The following HIVEP3 variants were observed in gnomAD, a reference collection of about 807,000 sequenced individuals.
The protein encoded by HIVEP3 is HIVEP zinc finger 3, also known as transcription factor HIVEP3.
HIVEP3 carries 49 observed loss-of-function variants against 152.8 expected under a neutral mutation model. The ratio of observed to expected loss-of-function variants is 0.32; its 90% confidence interval spans 0.26 to 0.41. The LOEUF (loss-of-function observed/expected upper bound fraction) is 0.41. Among genes scored for constraint, HIVEP3 ranks in the 10% least tolerant of loss-of-function variants. The pLI is 1.00. For synonymous variants in HIVEP3, 1,269 were observed against 1,289.0 expected (o/e 0.98, Z 0.33); for missense variants, 2,790 against 3,103.3 (o/e 0.90, Z 2.40).
At chr1:41,787,248 T>A (rs2124292303) in intron 1 of HIVEP3, among the ~76,000 whole-genome samples, 1 of 152,324 alleles carries the variant, frequency 6.6e-6, no homozygotes, top group East Asian at 1.9e-4. Context: ...TCTGACAGGA[T>A]GCAAAGGTGA....
At chr1:41,585,514 C>T (rs909514223) in intron 3 of HIVEP3, among the ~76,000 whole-genome samples, 196 bp from the exon 4 acceptor site, 8 of 152,152 alleles carry the variant, frequency 5.3e-5, no homozygotes, top group African/African-American at 1.7e-4. Flanking sequence ...ATTCTTTCCT[C>T]CCCCGCTCCC....
At chr1:41,512,520 T>C (rs929714918) in intron 8 of HIVEP3, among the ~76,000 whole-genome samples, 1 of 152,222 alleles carries the variant, frequency 6.6e-6, no homozygotes, top group Admixed American at 6.5e-5. Context: ...GTCTCAGGAA[T>C]TTGTTTATAG....
intron 2 of HIVEP3, among the ~76,000 whole-genome samples, chr1:41,638,991 G>C (rs896085069): frequency 2.0e-5 from 3 of 152,204 alleles, no homozygotes; most frequent in Admixed American, 1.3e-4. Context: ...GGAGAAGAAG[G>C]CTGGCCCTGA....
At chr1:42,010,524 T>A (rs1645487099) in intron 1 of HIVEP3, among the ~76,000 whole-genome samples, 1 of 152,186 alleles carries the variant, frequency 6.6e-6, no homozygotes, top group Admixed American at 6.6e-5. Flanking sequence ...AGCAAGCAAG[T>A]ACATCTGGAA....
At chr1:42,034,944 T>C (rs916526920) in intron 1 of HIVEP3, among the ~76,000 whole-genome samples, 1 of 152,110 alleles carries the variant, frequency 6.6e-6, no homozygotes, top group African/African-American at 2.4e-5. Context: ...AGACATGGAA[T>C]CGCTCTCTCA....
Position 41,582,299 on chromosome 1 carries a change from A to AGGT in HIVEP3, c.2496_2498dup (p.Pro833dup). ...AGTGAGCAGAGCGTCCGTGTGGGGC[A>AGGT]GGTGGGGGTGATGGGAACTGGGCCA... is the stretch of plus-strand genomic sequence containing the variant. On this transcript the variant is annotated inframe_insertion, in exon 4 of 9. Transcript: ENST00000372583. The surrounding 1 kb of genome is among the most constrained non-coding windows in gnomAD (Gnocchi z 4.7). 6.2e-7 allele frequency: 1 copy of AGGT among 1,614,102 alleles called. No individual in the cohort carries two copies. The highest frequency in any genetic ancestry group is 8.5e-7 in the Non-Finnish European group (1 of 1,179,998).
intron 1 of HIVEP3, among the ~76,000 whole-genome samples, chr1:41,914,681 C>T (rs1329380596): frequency 6.6e-6 from 1 of 152,162 alleles, no homozygotes; most frequent in Admixed American, 6.5e-5. Flanking sequence ...GATGTCTGAA[C>T]TGAAAAAACA....
chr1:41,788,485 C>CAGGAG, intron 1 of HIVEP3, among the ~76,000 whole-genome samples: 1 of 152,328 alleles, frequency 6.6e-6, no homozygotes, highest in South Asian at 2.1e-4. Flanking sequence ...GAGGCCTGAG[C>CAGGAG]AGGAGAGAGA....
chr1:41,861,658 T>C (rs1643889005), intron 1 of HIVEP3, among the ~76,000 whole-genome samples: 1 of 152,034 alleles, frequency 6.6e-6, no homozygotes, highest in Admixed American at 6.5e-5. Context: ...GGGAGGAGGA[T>C]TTGTGCAAGG....
At chr1:41,693,205 G>T (rs746221800) in intron 2 of HIVEP3, among the ~76,000 whole-genome samples, 4 of 152,172 alleles carry the variant, frequency 2.6e-5, no homozygotes, top group Non-Finnish European at 4.4e-5. Context: ...TAGGATACTT[G>T]TTTAGAAGTG....
At chr1:41,874,644 G>T in intron 1 of HIVEP3, among the ~76,000 whole-genome samples, 1 of 152,186 alleles carries the variant, frequency 6.6e-6, no homozygotes, top group East Asian at 1.9e-4. Flanking sequence ...GATTCTAGAA[G>T]ATAAAGAGAG....
intron 1 of HIVEP3, among the ~76,000 whole-genome samples, chr1:41,900,660 C>T (rs971999661): frequency 8.6e-5 from 13 of 152,010 alleles, no homozygotes; most frequent in African/African-American, 3.1e-4. Context: ...GTATCTTTCA[C>T]CCCACATCCC....
chr1:41,953,057 C>G (rs555425875), intron 1 of HIVEP3, among the ~76,000 whole-genome samples: 1 of 152,194 alleles, frequency 6.6e-6, no homozygotes, highest in Non-Finnish European at 1.5e-5. Flanking sequence ...CGTGACACTG[C>G]TCCTGGTTAT....
chr1:41,528,258 C>CT (rs1231154474), intron 5 of HIVEP3, among the ~76,000 whole-genome samples: 2 of 135,720 alleles, frequency 1.5e-5, no homozygotes, highest in Non-Finnish European at 3.2e-5. Context: ...CCTCACACCC[C>CT]TCCACCCTCA....
intron 1 of HIVEP3, among the ~76,000 whole-genome samples, chr1:41,730,177 C>G (rs1558218384): frequency 6.6e-6 from 1 of 152,176 alleles, no homozygotes; most frequent in African/African-American, 2.4e-5. Context: ...TCCTCTTTGT[C>G]CATTTGAGAG....
intron 2 of HIVEP3, among the ~76,000 whole-genome samples, chr1:41,643,890 C>CTCTTTT (rs1645417623): frequency 1.4e-5 from 1 of 71,980 alleles, no homozygotes; most frequent in Non-Finnish European, 2.4e-5. Flanking sequence ...TTCCCATCCT[C>CTCTTTT]TTTTTTTTTT....
At chr1:41,967,666 A>G (rs1214270791) in intron 1 of HIVEP3, among the ~76,000 whole-genome samples, 1 of 152,314 alleles carries the variant, frequency 6.6e-6, no homozygotes, top group South Asian at 2.1e-4. Context: ...CAAACCCCAA[A>G]GTTAGCAGAA....
intron 1 of HIVEP3, among the ~76,000 whole-genome samples, chr1:41,825,344 T>C (rs1458468937): frequency 6.6e-6 from 1 of 151,964 alleles, no homozygotes; most frequent in Non-Finnish European, 1.5e-5. Flanking sequence ...CAAAATACAT[T>C]ATCACAAGGG....
intron 1 of HIVEP3, among the ~76,000 whole-genome samples, chr1:41,877,833 T>G (rs1418181485): frequency 6.6e-6 from 1 of 152,228 alleles, no homozygotes; most frequent in Non-Finnish European, 1.5e-5. Context: ...CAATGAATTT[T>G]CTGACTACAG....
Sources: gnomAD v4.1 joint callset for allele counts (sites outside exome capture counted in the v4.1 genomes callset) on GRCh38, gnomAD v4.1.1 for gene constraint, Gnocchi (gnomAD v3.1) non-coding constraint, MANE v1.5 for transcripts, NCBI Gene and HGNC (gene_info 2026-07-23, HGNC 2026-07-21) for gene names.